The following PGM2L1 variants were observed in gnomAD, a reference collection of about 807,000 sequenced individuals.
PGM2L1 encodes the protein phosphoglucomutase 2 like 1.
PGM2L1 carries 35 observed loss-of-function variants against 73.4 expected under a neutral mutation model. The ratio of observed to expected loss-of-function variants is 0.48; its 90% CI spans 0.36 to 0.63. The LOEUF is 0.63. PGM2L1 is among the 30% of genes least tolerant of loss of function. The pLI, the probability that PGM2L1 is intolerant of heterozygous loss-of-function variation, is 0.00. For synonymous variants in PGM2L1, 225 were observed against 253.8 expected, an observed-to-expected ratio of 0.89 and a Z score of 1.08; for missense variants, 570 against 742.0, an observed-to-expected ratio of 0.77 and a Z score of 2.69.
intron 1 of PGM2L1, among the ~76,000 whole-genome samples, chr11:74,386,148 A>G (rs1863014651): frequency 6.6e-6 from 1 of 152,160 alleles, no homozygotes; most frequent in East Asian, 1.9e-4. Context: ...TACATGATAC[A>G]TCAAAGACTT....
Position 74,333,177 on chromosome 11 carries a change from T to G in PGM2L1, c.*3475A>C, listed in dbSNP as rs146814071. The G allele has an allele frequency of 1.3e-5, 2 of 152,210 alleles. No individual in the cohort carries two copies. Among genetic ancestry groups the G allele is most frequent in the African/African-American group, 2.4e-5 (1 of 41,554 alleles). The allele number at this position is 152,210 out of a possible 1,614,324, so 9.4% of individuals were successfully genotyped here. ...CTGTATATCTCTTAATTTTTAAAAT[T>G]TTTATTCCCTTAAAAATAAAAAAAA... On this transcript the variant is annotated 3_prime_UTR_variant, in exon 14 of 14. Coordinates refer to ENST00000298198, the MANE Select transcript of PGM2L1 (RefSeq NM_173582.6).
chr11:74,359,315 T>C (rs2134910180), intron 5 of PGM2L1, among the ~76,000 whole-genome samples: 1 of 152,222 alleles, frequency 6.6e-6, no homozygotes, highest in East Asian at 1.9e-4. Flanking sequence ...TTTCACTCTG[T>C]AGCCCAGGCT....
At chr11:74,397,368 G>A (rs1002654708) in intron 1 of PGM2L1, among the ~76,000 whole-genome samples, 5 of 150,984 alleles carry the variant, frequency 3.3e-5, no homozygotes, top group African/African-American at 1.2e-4. Flanking sequence ...CGGAGGGTGG[G>A]TGGGGAGGTG....
At chr11:74,370,381 GT>G (rs1363830475) in intron 4 of PGM2L1, among the ~76,000 whole-genome samples, 3 of 152,152 alleles carry the variant, frequency 2.0e-5, no homozygotes, top group African/African-American at 7.2e-5. Context: ...TCCATGAATA[GT>G]TTATGAATGT....
At chr11:74,385,450 T>G (rs1863004735) in intron 1 of PGM2L1, among the ~76,000 whole-genome samples, 1 of 152,132 alleles carries the variant, frequency 6.6e-6, no homozygotes, top group Non-Finnish European at 1.5e-5. Flanking sequence ...ACAAGGGTGA[T>G]TTTAAAATTT....
chr11:74,387,225 A>G (rs1863030492), intron 1 of PGM2L1, among the ~76,000 whole-genome samples: 1 of 152,208 alleles, frequency 6.6e-6, no homozygotes, highest in African/African-American at 2.4e-5. Context: ...ATAGAGTTCA[A>G]TTCTCATTAC....
intron 1 of PGM2L1, among the ~76,000 whole-genome samples, chr11:74,375,804 G>C (rs1862845497): frequency 6.6e-6 from 1 of 152,128 alleles, no homozygotes; most frequent in South Asian, 2.1e-4. Flanking sequence ...AGCAGTTTCT[G>C]TTTCATAAAT....
intron 5 of PGM2L1, among the ~76,000 whole-genome samples, chr11:74,355,890 C>A (rs1331165998): frequency 6.6e-6 from 1 of 152,042 alleles, no homozygotes; most frequent in Non-Finnish European, 1.5e-5. Flanking sequence ...GCAAAAAACT[C>A]GAGGACTGTA....
intron 12 of PGM2L1, among the ~76,000 whole-genome samples, chr11:74,341,432 C>T (rs1174208242): frequency 6.6e-6 from 1 of 152,120 alleles, no homozygotes; most frequent in African/African-American, 2.4e-5. Flanking sequence ...TGGCTCATGC[C>T]TGTAATCCTA....
intron 1 of PGM2L1, among the ~76,000 whole-genome samples, chr11:74,381,464 C>T (rs1402630462): frequency 6.6e-6 from 1 of 152,108 alleles, no homozygotes; most frequent in Non-Finnish European, 1.5e-5. Context: ...CCTCCTACCT[C>T]ATGGACCAGC....
intron 5 of PGM2L1, among the ~76,000 whole-genome samples, chr11:74,359,041 G>C (rs1459729280): frequency 2.0e-5 from 3 of 151,932 alleles, no homozygotes; most frequent in Non-Finnish European, 1.5e-5. Context: ...AAAATACATA[G>C]ATGAAATTAA....
Position 74,332,485 on chromosome 11 carries a change from T to A in PGM2L1, c.*4167A>T, listed in dbSNP as rs572989686. ...CTAAGCTTAAAGCATTCTGAATGAA[T>A]ACAGTTGAGATTTCTTATCAGTGAG... is the stretch of plus-strand genomic sequence containing the variant. On this transcript the variant is annotated 3_prime_UTR_variant, in exon 14 of 14. Transcript: ENST00000298198. 6.6e-6 allele frequency: 1 copy of A among 152,584 alleles called. No homozygotes were observed. Among genetic ancestry groups the A allele is most frequent in the Non-Finnish European group, 1.5e-5 (1 of 68,010 alleles). The allele number at this position is 152,584 out of a possible 1,614,324, so 9.5% of individuals were successfully genotyped here. A position where few individuals can be genotyped will look rare whatever the true frequency, so the allele number is the denominator to read the frequency against.
chr11:74,398,291 G>A lies in PGM2L1; in HGVS notation c.-130C>T, dbSNP rs776304572. On this transcript the variant is annotated 5_prime_UTR_variant, in exon 1 of 14. Coordinates refer to ENST00000298198, the MANE Select transcript of PGM2L1 (RefSeq NM_173582.6). ...GAAGGGCATCGGAGACCAACCGCAG[G>A]GTGTTCGTAACAGCTCCTGCCGCGG... 5 of 1,365,046 alleles carry A rather than the reference G, an allele frequency of 3.7e-6. No individual in the cohort carries two copies. Among genetic ancestry groups the A allele is most frequent in the Non-Finnish European group, 3.8e-6 (4 of 1,045,738 alleles). 84.6% of individuals were successfully genotyped at this position (1,365,046 alleles called of 1,614,324 possible).
chr11:74,383,824 A>AATAAATAT (rs61026077), intron 1 of PGM2L1, among the ~76,000 whole-genome samples: 18 of 121,834 alleles, frequency 1.5e-4, no homozygotes, highest in African/African-American at 4.9e-4. Context: ...TATATAAATA[A>AATAAATAT]ATATATATAT....
Position 74,348,565 on chromosome 11 carries a change from T to C in PGM2L1, c.750-1228A>G, listed in dbSNP as rs533061249. Among the ~76,000 whole-genome samples the C allele has an allele frequency of 2.0e-5, 3 of 152,308 alleles. No individual in the cohort carries two copies. The East Asian group carries it at 5.8e-4, about 29-fold the overall frequency. On this transcript the variant is annotated intron_variant, in intron 6 of 13. Coordinates refer to ENST00000298198, the MANE Select transcript of PGM2L1 (RefSeq NM_173582.6). ...ATAATTTCTTTCCTCTAATACCGTA[T>C]CTGTGTTCAAATTTTCCCCAAGTGT...
intron 1 of PGM2L1, among the ~76,000 whole-genome samples, chr11:74,387,764 TTTTA>T (rs1229856489): frequency 6.6e-6 from 1 of 152,226 alleles, no homozygotes. Flanking sequence ...ACCACTTAAT[TTTTA>T]TTTATATTTT....
At chr11:74,374,103 G>C (rs79473342) in intron 2 of PGM2L1, among the ~76,000 whole-genome samples, 1 of 117,252 alleles carries the variant, frequency 8.5e-6, no homozygotes. Flanking sequence ...CTTTTTTTTT[G>C]AGACAGAGTC....
intron 1 of PGM2L1, among the ~76,000 whole-genome samples, chr11:74,391,832 ATG>A (rs1863106570): frequency 1.0e-5 from 1 of 98,296 alleles, no homozygotes; most frequent in Non-Finnish European, 2.0e-5. Context: ...ATAAGCTGGT[ATG>A]GGTTTTCTCT....
Position 74,359,149 on chromosome 11 carries a change from T to A in PGM2L1, c.556-7573A>T, listed in dbSNP as rs181556585. Among the ~76,000 whole-genome samples, 15 of 152,360 alleles carry A rather than the reference T, an allele frequency of 9.8e-5. No homozygotes were observed. In the South Asian group the frequency reaches 3.1e-3, roughly 32 times the overall value. On this transcript the variant is annotated intron_variant, in intron 5 of 13. Coordinates refer to ENST00000298198, the MANE Select transcript of PGM2L1 (RefSeq NM_173582.6). ...TACATATGTATATCTGCTTCATTCA[T>A]CTTTAAAAATCTATATAGATGAATC...
Sources: allele counts gnomAD v4.1 joint callset (sites outside exome capture counted in the v4.1 genomes callset), GRCh38; gene constraint gnomAD v4.1.1; transcripts MANE v1.5; gene names NCBI Gene and HGNC (gene_info 2026-07-23, HGNC 2026-07-21).